The following ATP2B3 variants were observed in gnomAD, a reference collection of about 807,000 sequenced individuals.
The protein encoded by ATP2B3 is plasma membrane calcium-transporting ATPase 3.
ATP2B3 carries 12 observed loss-of-function variants against 70.8 expected under a neutral mutation model. The observed-to-expected ratio is 0.17, with a 90% confidence interval of 0.11 to 0.27. ATP2B3 has a LOEUF of 0.27. Ranked by LOEUF, ATP2B3 falls within the 10% of genes least tolerant of loss-of-function variation. The pLI, the probability that ATP2B3 is intolerant of heterozygous loss-of-function variation, is 1.00. For missense variants in ATP2B3, 858 were observed against 1,118.5 expected, an observed-to-expected ratio of 0.77 and a Z score of 3.32; for synonymous variants, 460 against 497.8, an observed-to-expected ratio of 0.92 and a Z score of 1.01.
chrX:153,530,982 T>A (rs2090108881), intron 2 of ATP2B3, among the ~76,000 whole-genome samples: 1 of 112,164 alleles, frequency 8.9e-6, no homozygotes, highest in South Asian at 3.7e-4. Context: ...CTGCCTCAGC[T>A]CCTTCCCTCC....
chrX:153,553,002 C>T (rs1281576447), intron 12 of ATP2B3, 33 bp from the exon 13 acceptor site: 1 of 1,150,891 alleles, frequency 8.7e-7, no homozygotes. Flanking sequence ...TCTCTCCCCA[C>T]CTCCACCTCA....
chrX:153,527,035 G>A (rs1294290339), intron 2 of ATP2B3, among the ~76,000 whole-genome samples: 1 of 112,491 alleles, frequency 8.9e-6, no homozygotes, highest in African/African-American at 3.2e-5. Flanking sequence ...GTCCAAGCTG[G>A]AAGGACTTAG....
In ATP2B3 at chrX:153,549,557, G is replaced by A. The variant is rs138121365; in HGVS notation, c.1399G>A (p.Ala467Thr). The A allele has an allele frequency of 1.2e-4, 142 of 1,210,967 alleles. No homozygotes were observed. Among genetic ancestry groups the A allele is most frequent in the Non-Finnish European group, 1.4e-4 (127 of 895,415 alleles). The change falls in exon 11 of 22, where the codon GCC (alanine) becomes ACC (threonine). Residue 467 changes from alanine (A) to threonine (T), a missense_variant. Ala to Thr is a moderately conservative substitution (Grantham distance 58). Coordinates refer to ENST00000263519, the MANE Select transcript of ATP2B3 (RefSeq NM_001001344.3). ...HLDACETMGN[A>T]TAICSDKTGT... ...GGATGCCTGCGAGACCATGGGCAAC[G>A]CCACAGCCATCTGCTCCGACAAGAC...
At chrX:153,529,740 C>T (rs1434266909) in intron 2 of ATP2B3, among the ~76,000 whole-genome samples, 2 of 111,600 alleles carry the variant, frequency 1.8e-5, no homozygotes, top group Non-Finnish European at 3.8e-5. Context: ...GCCCATGGCA[C>T]CCACCCTTCC....
rs782771311 is a variant in ATP2B3 at position 153,560,590 on chromosome X, C to T, written c.2840-86C>T. 6.6e-4 allele frequency: 678 copies of T among 1,030,388 alleles called. 7 individuals carry two copies. In the African/African-American group the frequency reaches 0.011, roughly 16 times the overall value. The allele number at this position is 1,030,388 out of a possible 1,213,427, so 84.9% of individuals were successfully genotyped here. ...ATCCCCTGGGACAAGGGACCCATCT[C>T]GGGAGCTACACACCGAAGTCTCGCT... On this transcript the variant is annotated intron_variant, in intron 18 of 21. Coordinates refer to ENST00000263519, the MANE Select transcript of ATP2B3 (RefSeq NM_001001344.3).
At chrX:153,578,642 C>T (rs1557021885) in intron 21 of ATP2B3, among the ~76,000 whole-genome samples, 1 of 112,584 alleles carries the variant, frequency 8.9e-6, no homozygotes, top group Non-Finnish European at 1.9e-5. Context: ...CAGCTGGGGG[C>T]AGAGGGCCAC....
rs1057521610 is a variant in ATP2B3 at position 153,556,407 on chromosome X, C to T, written c.2315C>T (p.Thr772Ile). 2 of 1,204,941 alleles carry T rather than the reference C, an allele frequency of 1.7e-6. No homozygotes were observed. The highest frequency in any genetic ancestry group is 2.2e-6 in the Non-Finnish European group (2 of 892,544). ...CGGTCGTCTCCCACCGACAAGCACACACTGGTCAAAGGTAGCCGAGCCCCC... is the reference window on the plus strand; with the variant it reads ...CGGTCGTCTCCCACCGACAAGCACATACTGGTCAAAGGTAGCCGAGCCCCC... ...LARSSPTDKH[T>I]LVKGIIDSTT... Residue 772 changes from threonine to isoleucine, a missense_variant, in exon 15 of 22, where the codon ACA becomes ATA. Physicochemically the swap from Thr to Ile is moderately conservative, Grantham distance 89 (BLOSUM62 -1). Around this residue, in one of 5 missense-constraint regions of ATP2B3, gnomAD observed 242 missense variants for 281.3 expected, o/e 0.86. Transcript: ENST00000263519.
At chrX:153,561,505 G>A (rs1184210088) in intron 19 of ATP2B3, among the ~76,000 whole-genome samples, 1 of 112,381 alleles carries the variant, frequency 8.9e-6, no homozygotes, top group African/African-American at 3.2e-5. Context: ...ATGGGAGAGC[G>A]CCAGGCAGGA....
intron 2 of ATP2B3, among the ~76,000 whole-genome samples, chrX:153,521,826 C>T (rs2089963303): frequency 8.9e-6 from 1 of 112,301 alleles, no homozygotes; most frequent in South Asian, 3.7e-4. Context: ...CTGGTGGCTA[C>T]CGTCACAGAC....
chrX:153,538,882 A>C (rs902492022), intron 3 of ATP2B3, among the ~76,000 whole-genome samples: 1 of 113,148 alleles, frequency 8.8e-6, no homozygotes. Context: ...GGGCAGGTCA[A>C]GGCCAAGGGA....
chrX:153,522,559 A>G (rs1224511401), intron 2 of ATP2B3, among the ~76,000 whole-genome samples: 1 of 112,053 alleles, frequency 8.9e-6, no homozygotes, highest in Non-Finnish European at 1.9e-5. Context: ...GCTGCTTTGG[A>G]GCAAATGGAG....
At chrX:153,546,481 G>C (rs950531861) in intron 8 of ATP2B3, among the ~76,000 whole-genome samples, 5 of 113,133 alleles carry the variant, frequency 4.4e-5, no homozygotes, top group Non-Finnish European at 9.4e-5. Context: ...CTGAAGCTCT[G>C]GGTCCCAGTC....
intron 12 of ATP2B3, among the ~76,000 whole-genome samples, chrX:153,551,026 T>G (rs1419380321): frequency 1.8e-5 from 2 of 112,861 alleles, no homozygotes; most frequent in Admixed American, 9.4e-5. Flanking sequence ...CTTTTGGCTG[T>G]CACGAGTCAC....
chrX:153,527,947 C>A (rs1557000450), intron 2 of ATP2B3, among the ~76,000 whole-genome samples: 1 of 112,623 alleles, frequency 8.9e-6, no homozygotes, highest in Non-Finnish European at 1.9e-5. Flanking sequence ...TGGGCCCAGT[C>A]CCCTGGGGAC....
At chrX:153,547,113 G>A (rs1304103254) in intron 8 of ATP2B3, among the ~76,000 whole-genome samples, 5 of 111,729 alleles carry the variant, frequency 4.5e-5, no homozygotes, top group African/African-American at 1.6e-4. Context: ...CGTCGGTCCC[G>A]GGGCAGAAGA....
intron 13 of ATP2B3, among the ~76,000 whole-genome samples, 154 bp downstream of exon 13, chrX:153,553,423 C>G (rs1308006286): frequency 1.8e-5 from 2 of 111,642 alleles, no homozygotes; most frequent in Admixed American, 9.5e-5. Flanking sequence ...CCCTGACACC[C>G]GCACAAAGGC....
At chrX:153,529,732 C>T (rs782332896) in intron 2 of ATP2B3, among the ~76,000 whole-genome samples, 4 of 111,848 alleles carry the variant, frequency 3.6e-5, no homozygotes, top group Admixed American at 9.4e-5. Flanking sequence ...AGCCCCCAGC[C>T]CATGGCACCC....
rs781850190 is a variant in ATP2B3, at chrX:153,561,144, C to T, written c.3051+257C>T. On this transcript the variant is annotated intron_variant, in intron 19 of 21. Transcript: ENST00000263519. The stretch of plus-strand genomic sequence containing the variant: ...AGGGTTTCGTGAGCCCTCATCGGAA[C>T]GAAGTTTTCTCACAGATGCTGGAAG... Among the ~76,000 whole-genome samples, 73 of 112,296 alleles carry T rather than the reference C, an allele frequency of 6.5e-4. 1 individual carries two copies. The highest frequency in any genetic ancestry group is 2.2e-3 in the African/African-American group (68 of 30,912).
intron 3 of ATP2B3, among the ~76,000 whole-genome samples, chrX:153,538,128 T>C (rs1488629246): frequency 4.4e-5 from 5 of 112,839 alleles, no homozygotes; most frequent in African/African-American, 1.6e-4. Flanking sequence ...GCTGTCTGGG[T>C]GCCAGGAGCG....
Sources: gnomAD v4.1 joint callset for allele counts (sites outside exome capture counted in the v4.1 genomes callset) on GRCh38, gnomAD v4.1.1 for gene constraint, gnomAD v4.1.1 regional missense constraint, MANE v1.5 for transcripts, NCBI Gene and HGNC (gene_info 2026-07-23, HGNC 2026-07-21) for gene names.